Variants in GSK3B observed in about 807,000 individuals in gnomAD.
GSK3B encodes the protein glycogen synthase kinase 3 beta, also known as glycogen synthase kinase-3 beta.
GSK3B carries 15 observed loss-of-function variants against 56.4 expected under a neutral mutation model. That is an observed-to-expected ratio of 0.27 (90% CI 0.18 to 0.41). GSK3B has a LOEUF of 0.41. GSK3B is among the 10% of genes least tolerant of loss of function. The pLI is 1.00. For missense variants in GSK3B, 300 were observed against 513.4 expected, an observed-to-expected ratio of 0.58 and a Z score of 4.02; for synonymous variants, 181 against 188.9, an observed-to-expected ratio of 0.96 and a Z score of 0.34.
chr3:120,093,621 T>C lies in GSK3B; in HGVS notation c.-187A>G. 1.9e-6 allele frequency: 1 copy of C among 527,088 alleles called. No individual in the cohort carries two copies. The highest frequency in any genetic ancestry group is 3.4e-6 in the Non-Finnish European group (1 of 291,120). 32.7% of individuals were successfully genotyped at this position (527,088 alleles called of 1,614,324 possible). A position where few individuals can be genotyped will look rare whatever the true frequency, so the allele number is the denominator to read the frequency against. ...ATAAAAAACAAAACAAGCGATATAT[T>C]TCTCCTTCAAGACAGATCGGCACGG... On this transcript the variant is annotated 5_prime_UTR_variant, in exon 1 of 11. Transcript: ENST00000264235.
intron 1 of GSK3B, among the ~76,000 whole-genome samples, chr3:120,026,211 T>C (rs77701535): frequency 6.6e-6 from 1 of 152,000 alleles, no homozygotes; most frequent in African/African-American, 2.4e-5. Flanking sequence ...TCAAACACGA[T>C]TTTCTAAAAG....
intron 6 of GSK3B, 107 bp from the exon 7 acceptor site, chr3:119,905,959 G>T: frequency 1.4e-6 from 1 of 714,180 alleles, no homozygotes. Context: ...AATATCACAG[G>T]AAAAGATTAT....
intron 1 of GSK3B, among the ~76,000 whole-genome samples, chr3:120,073,678 T>G (rs1324341176): frequency 6.6e-6 from 1 of 152,200 alleles, no homozygotes. Flanking sequence ...TCTTATTCCC[T>G]CTCCAAATTA....
chr3:120,078,559 T>C (rs1032026590), intron 1 of GSK3B, among the ~76,000 whole-genome samples: 1 of 151,238 alleles, frequency 6.6e-6, no homozygotes, highest in African/African-American at 2.4e-5. Context: ...TTTTTTTTTT[T>C]TCTTTTTTTT....
intron 7 of GSK3B, among the ~76,000 whole-genome samples, chr3:119,883,521 T>C (rs2056401651): frequency 6.6e-6 from 1 of 152,102 alleles, no homozygotes; most frequent in East Asian, 1.9e-4. Flanking sequence ...GGCCAGACAG[T>C]AAATATTTAA....
At chr3:119,922,110 C>CTGGG (rs1248544830) in intron 4 of GSK3B, among the ~76,000 whole-genome samples, 2 of 151,496 alleles carry the variant, frequency 1.3e-5, no homozygotes, top group African/African-American at 2.4e-5. Context: ...GCACTCCAGC[C>CTGGG]TGGGCAACAG....
At chr3:119,898,160 G>A (rs1266923865) in intron 7 of GSK3B, among the ~76,000 whole-genome samples, 1 of 152,058 alleles carries the variant, frequency 6.6e-6, no homozygotes. Flanking sequence ...CAAACACAAA[G>A]ACTATTTCAT....
intron 1 of GSK3B, among the ~76,000 whole-genome samples, chr3:120,017,454 G>A (rs2057836856): frequency 6.6e-6 from 1 of 152,022 alleles, no homozygotes. Context: ...CCTCAATATT[G>A]CATTCTGACA....
At chr3:119,846,458 C>A (rs1382758760) in intron 9 of GSK3B, among the ~76,000 whole-genome samples, 1 of 152,060 alleles carries the variant, frequency 6.6e-6, no homozygotes. Context: ...AACAAACAAT[C>A]CCATCAAAAA....
At chr3:119,958,377 A>G (rs2107502827) in intron 2 of GSK3B, among the ~76,000 whole-genome samples, 1 of 41,080 alleles carries the variant, frequency 2.4e-5, no homozygotes, top group East Asian at 6.1e-4. Context: ...AGAGTTATCG[A>G]AAAAGGGGTG....
chr3:119,967,491 T>C (rs1256080396), intron 2 of GSK3B, among the ~76,000 whole-genome samples: 3 of 152,224 alleles, frequency 2.0e-5, no homozygotes, highest in Non-Finnish European at 4.4e-5. Flanking sequence ...GGAGGACTCA[T>C]ATTTCATATC....
chr3:119,836,131 G>T (rs149280717), intron 10 of GSK3B, among the ~76,000 whole-genome samples: 1 of 152,202 alleles, frequency 6.6e-6, no homozygotes, highest in Non-Finnish European at 1.5e-5. Flanking sequence ...ATAGCCAAAT[G>T]AATTTTTAGA....
chr3:119,929,472 G>T (rs1241347274), intron 3 of GSK3B, among the ~76,000 whole-genome samples: 1 of 152,098 alleles, frequency 6.6e-6, no homozygotes, highest in African/African-American at 2.4e-5. Flanking sequence ...TAACAGTTAA[G>T]AATATAAAGG....
chr3:120,052,291 T>C (rs2058157021), intron 1 of GSK3B, among the ~76,000 whole-genome samples: 1 of 152,252 alleles, frequency 6.6e-6, no homozygotes, highest in African/African-American at 2.4e-5. Flanking sequence ...TTTCATTCTC[T>C]GTCTTTTAAG....
At chr3:119,904,810 A>G (rs1011730423) in intron 7 of GSK3B, among the ~76,000 whole-genome samples, 8 of 152,168 alleles carry the variant, frequency 5.3e-5, no homozygotes, top group African/African-American at 1.7e-4. Context: ...ATTGGACAAC[A>G]TGACCTCTAA....
At chr3:119,922,826 T>C (rs2056856602) in intron 4 of GSK3B, among the ~76,000 whole-genome samples, 1 of 152,134 alleles carries the variant, frequency 6.6e-6, no homozygotes, top group African/African-American at 2.4e-5. Context: ...TAATACAAAT[T>C]ATGCTAGATA....
At chr3:119,936,621 T>C (rs1428555675) in intron 3 of GSK3B, among the ~76,000 whole-genome samples, 1 of 151,784 alleles carries the variant, frequency 6.6e-6, no homozygotes, top group Non-Finnish European at 1.5e-5. Context: ...GTGCTGGGAT[T>C]ACAGGTGTGA....
chr3:120,020,709 A>G (rs2107509058), intron 1 of GSK3B, among the ~76,000 whole-genome samples: 1 of 152,334 alleles, frequency 6.6e-6, no homozygotes, highest in East Asian at 1.9e-4. Flanking sequence ...GAGAAGAGTC[A>G]CCTATCTCTC....
Position 120,004,189 on chromosome 3 carries a change from G to A in GSK3B, c.89-1950C>T, listed in dbSNP as rs148408598. On this transcript the variant is annotated intron_variant, in intron 1 of 10. Transcript: ENST00000264235. ...CAACCTAAGATGTGGGAGCTTGGTG[G>A]GGGGAGGGGCGTTTGCCATTGCTGA... is the stretch of plus-strand genomic sequence containing the variant. Among the ~76,000 whole-genome samples the A allele has an allele frequency of 9.5e-3, 1,443 of 152,318 alleles. 13 individuals are homozygous for A. The highest frequency in any genetic ancestry group is 0.034 in the Middle Eastern group (10 of 294).
Sources: allele counts gnomAD v4.1 joint callset (sites outside exome capture counted in the v4.1 genomes callset), GRCh38; gene constraint gnomAD v4.1.1; transcripts MANE v1.5; gene names NCBI Gene and HGNC (gene_info 2026-07-23, HGNC 2026-07-21).